ATP11A: variants seen among roughly 807,000 people sequenced by gnomAD.
ATP11A encodes phospholipid-transporting ATPase IH.
Under a neutral mutation model 154.4 loss-of-function variants are expected in ATP11A, and 81 were observed. The observed-to-expected ratio is 0.52, with a 90% CI of 0.44 to 0.63. The LOEUF (loss-of-function observed/expected upper bound fraction) is 0.63. ATP11A is among the 30% of genes least tolerant of loss of function. The pLI is 0.00. For missense variants in ATP11A, 1,316 were observed against 1,474.3 expected, an observed-to-expected ratio of 0.89 and a Z score of 1.76; for synonymous variants, 623 against 585.9, an observed-to-expected ratio of 1.06 and a Z score of -0.91.
intron 1 of ATP11A, among the ~76,000 whole-genome samples, chr13:112,758,131 G>A (rs867792080): frequency 2.6e-5 from 4 of 152,154 alleles, no homozygotes; most frequent in Non-Finnish European, 4.4e-5. Context: ...GCACGATCTC[G>A]GCTCATTGCA....
chr13:112,818,986 T>G (rs1194706921), intron 6 of ATP11A, among the ~76,000 whole-genome samples: 1 of 152,222 alleles, frequency 6.6e-6, no homozygotes, highest in Non-Finnish European at 1.5e-5. Flanking sequence ...AAAGGGATAT[T>G]TCAGGTCCTG....
chr13:112,846,894 C>T (rs933899530), intron 17 of ATP11A, among the ~76,000 whole-genome samples: 9 of 152,156 alleles, frequency 5.9e-5, no homozygotes, highest in Admixed American at 1.3e-4. Context: ...AGGCCCTGAG[C>T]GCTGTGCCTG....
intron 12 of ATP11A, among the ~76,000 whole-genome samples, chr13:112,828,310 G>A (rs1191129318): frequency 6.9e-6 from 1 of 145,366 alleles, no homozygotes; most frequent in African/African-American, 2.5e-5. Flanking sequence ...GAAGTGTTGA[G>A]TAGGGGGGAA....
intron 2 of ATP11A, among the ~76,000 whole-genome samples, chr13:112,802,936 A>T (rs1237084372): frequency 6.6e-6 from 1 of 152,152 alleles, no homozygotes; most frequent in East Asian, 1.9e-4. Flanking sequence ...GGGCGGGATG[A>T]CCTAGGGAGG....
In ATP11A at chr13:112,826,876, T is replaced by C; in HGVS notation, c.1206T>C (p.Asn402=). The C allele has an allele frequency of 1.2e-6, 2 of 1,614,150 alleles. No homozygotes were observed. The highest frequency in any genetic ancestry group is 1.1e-5 in the South Asian group (1 of 91,078). Residue 402 remains asparagine, a synonymous_variant, in exon 12 of 30, where the codon AAT becomes AAC. Transcript: ENST00000375645. ...CTCTGGTGAACACGTCGGACCTCAA[T>C]GAAGAGCTGGGACAGGTTGGTGTCT... ...EGPLVNTSDL[N]EELGQVEYIF... is the part of the protein sequence containing the mutation.
At chr13:112,765,715 C>T (rs2077059438) in intron 1 of ATP11A, among the ~76,000 whole-genome samples, 2 of 152,248 alleles carry the variant, frequency 1.3e-5, no homozygotes, top group South Asian at 4.1e-4. Context: ...GCTAAATACT[C>T]CAGTTAGTGT....
At chr13:112,809,346 T>C (rs2078420833) in intron 4 of ATP11A, among the ~76,000 whole-genome samples, 1 of 152,164 alleles carries the variant, frequency 6.6e-6, no homozygotes, top group African/African-American at 2.4e-5. Flanking sequence ...GTCCCAGGCT[T>C]CTTAATTCTC....
intron 1 of ATP11A, among the ~76,000 whole-genome samples, chr13:112,777,820 T>C (rs1325531205): frequency 6.6e-6 from 1 of 151,710 alleles, no homozygotes; most frequent in Non-Finnish European, 1.5e-5. Flanking sequence ...CCCCGTGGGC[T>C]CCATGCAGCC....
At chr13:112,813,321 C>T (rs1369457365) in intron 5 of ATP11A, among the ~76,000 whole-genome samples, 4 of 152,170 alleles carry the variant, frequency 2.6e-5, no homozygotes, top group Non-Finnish European at 5.9e-5. Context: ...CTGCCCAGCT[C>T]TAAGATTTTG....
chr13:112,825,479 G>A lies in ATP11A; in HGVS notation c.922G>A (p.Ala308Thr). 2 of 1,613,986 alleles carry A rather than the reference G, an allele frequency of 1.2e-6. No homozygotes were observed. The highest frequency in any genetic ancestry group is 1.7e-6 in the Non-Finnish European group (2 of 1,179,944). The change falls in exon 11 of 30, where the codon GCC (alanine) becomes ACC (threonine). Residue 308 changes from alanine (A) to threonine (T), a missense_variant. Physicochemically the swap from Ala to Thr is moderately conservative, Grantham distance 58. Transcript: ENST00000375645. ...IVYLCILISKALINTVLKYMW... is the reference protein window; with the variant it reads ...IVYLCILISKTLINTVLKYMW... The stretch of plus-strand genomic sequence containing the variant: ...GTATCTCTGCATTCTGATCAGCAAA[G>A]CCCTGATAAACACTGTGCTGAAATA...
intron 2 of ATP11A, among the ~76,000 whole-genome samples, chr13:112,802,265 G>A (rs958487142): frequency 3.4e-4 from 52 of 152,140 alleles, no homozygotes; most frequent in African/African-American, 7.7e-4. Context: ...AGAATGGCGC[G>A]AACCCAGGAG....
intron 1 of ATP11A, among the ~76,000 whole-genome samples, chr13:112,730,171 C>T (rs1041834560): frequency 6.6e-6 from 1 of 152,170 alleles, no homozygotes; most frequent in African/African-American, 2.4e-5. Flanking sequence ...GGGCTGGTGA[C>T]CTGGAAGGGG....
At chr13:112,852,639 G>T (rs1014686122) in intron 18 of ATP11A, among the ~76,000 whole-genome samples, 1 of 152,162 alleles carries the variant, frequency 6.6e-6, no homozygotes, top group African/African-American at 2.4e-5. Flanking sequence ...TGCCTGGGGA[G>T]CAGCTGGGTC....
chr13:112,698,490 G>A (rs1673950642), intron 1 of ATP11A, among the ~76,000 whole-genome samples: 2 of 152,190 alleles, frequency 1.3e-5, no homozygotes, highest in African/African-American at 2.4e-5. Flanking sequence ...GAGCCAGAGA[G>A]CTTTCTCCTT....
At chr13:112,768,785 A>G (rs139611800) in intron 1 of ATP11A, among the ~76,000 whole-genome samples, 1 of 152,100 alleles carries the variant, frequency 6.6e-6, no homozygotes, top group Non-Finnish European at 1.5e-5. Flanking sequence ...TGGGTGACGC[A>G]GTGTTTTCCG....
chr13:112,800,251 G>C (rs1379279782), intron 2 of ATP11A, among the ~76,000 whole-genome samples: 6 of 151,580 alleles, frequency 4.0e-5, no homozygotes, highest in Non-Finnish European at 8.8e-5. Flanking sequence ...TAAAACTTTA[G>C]CCAGGCTAAA....
rs1566434663 is a variant in ATP11A at position 112,756,870 on chromosome 13, T to TGCTCCCAGCGCGG, written c.40-28264_40-28263insCTCCCAGCGCGGG. 7.0e-3 allele frequency among the ~76,000 whole-genome samples: 857 copies of TGCTCCCAGCGCGG among 122,100 alleles called. 10 individuals carry two copies. Among genetic ancestry groups the TGCTCCCAGCGCGG allele is most frequent in the African/African-American group, 0.025 (776 of 31,024 alleles). 80.1% of individuals were successfully genotyped at this position (122,100 alleles called of 152,430 possible). A position where few individuals can be genotyped will look rare whatever the true frequency, so the allele number is the denominator to read the frequency against. ...CAGCGCGGGGTCTGCTCCCAGCACG[T>TGCTCCCAGCGCGG]GGTCTGCTCCCAGCACGGGGCCTGC... On this transcript the variant is annotated intron_variant, in intron 1 of 29. Coordinates refer to ENST00000375645, the MANE Select transcript of ATP11A (RefSeq NM_015205.3).
intron 1 of ATP11A, among the ~76,000 whole-genome samples, chr13:112,776,238 G>T (rs1280017323): frequency 1.3e-5 from 2 of 152,212 alleles, no homozygotes; most frequent in Non-Finnish European, 1.5e-5. Context: ...GTTCCCCACA[G>T]CCCCTGTAGT....
intron 1 of ATP11A, among the ~76,000 whole-genome samples, chr13:112,702,464 C>T (rs552518248): frequency 1.3e-5 from 2 of 152,334 alleles, no homozygotes; most frequent in Admixed American, 6.5e-5. Context: ...GGCGTGCACA[C>T]GGGGGGTGCG....
Sources: allele counts gnomAD v4.1 joint callset (sites outside exome capture counted in the v4.1 genomes callset), GRCh38; gene constraint gnomAD v4.1.1; transcripts MANE v1.5; gene names NCBI Gene and HGNC (gene_info 2026-07-23, HGNC 2026-07-21).